The following SNX14 variants were observed in gnomAD, a reference collection of about 807,000 sequenced individuals.
SNX14 encodes the protein sorting nexin-14.
SNX14 carries 93 observed loss-of-function variants against 133.8 expected under a neutral mutation model. That is an observed-to-expected ratio of 0.70 (90% CI 0.59 to 0.83). The LOEUF is 0.83. Among genes scored for constraint, SNX14 ranks in the 40% least tolerant of loss-of-function variants. SNX14 has a pLI of 0.00. For synonymous variants in SNX14, 368 were observed against 365.6 expected (o/e 1.01, Z -0.07); for missense variants, 945 against 1,094.9 (o/e 0.86, Z 1.93).
At position 85,557,957 on chromosome 6, in the gene SNX14, T is replaced by C. The variant is rs752722499; in HGVS notation, c.634+19A>G. On this transcript the variant is annotated intron_variant, in intron 7 of 28. Coordinates refer to ENST00000314673, the MANE Select transcript of SNX14 (RefSeq NM_153816.6). The stretch of plus-strand genomic sequence containing the variant: ...TATAAAAACAAAATTACTCAAACTG[T>C]AGTAGAAAACTGTATTACCTTTCTG... The C allele has an allele frequency of 2.1e-6, 3 of 1,435,230 alleles. No homozygotes were observed. The highest frequency in any genetic ancestry group is 2.8e-5 in the African/African-American group (2 of 70,668). 88.9% of individuals were successfully genotyped at this position (1,435,230 alleles called of 1,614,324 possible).
chr6:85,540,044 C>T (rs1783173943), intron 15 of SNX14, among the ~76,000 whole-genome samples: 1 of 151,610 alleles, frequency 6.6e-6, no homozygotes, highest in Non-Finnish European at 1.5e-5. Context: ...TCACTGTAAC[C>T]TCTGCCTCCT....
intron 7 of SNX14, among the ~76,000 whole-genome samples, chr6:85,550,246 C>A (rs1355605986): frequency 6.6e-6 from 1 of 152,166 alleles, no homozygotes; most frequent in Non-Finnish European, 1.5e-5. Flanking sequence ...CCTTTCCTAG[C>A]CTCTTTTCAA....
chr6:85,568,038 T>C (rs1325666904), intron 4 of SNX14: 3 of 152,186 alleles, frequency 2.0e-5, no homozygotes, highest in Admixed American at 6.5e-5. Flanking sequence ...TGACAAAATG[T>C]ATATTTCATC....
intron 5 of SNX14, 69 bp from the exon 6 acceptor site, chr6:85,565,488 G>A (rs1408082194): frequency 1.4e-5 from 17 of 1,210,566 alleles, no homozygotes; most frequent in East Asian, 1.3e-4. Flanking sequence ...ACAATCCAAG[G>A]GAAAATTTTC....
chr6:85,515,262 CAA>C (rs751549621), intron 23 of SNX14, among the ~76,000 whole-genome samples: 14 of 22,770 alleles, frequency 6.1e-4, no homozygotes, highest in African/African-American at 1.7e-3. Context: ...GCAAGACCGT[CAA>C]AAAAAAAAAA....
At chr6:85,573,615 A>G (rs1392548788) in intron 2 of SNX14, among the ~76,000 whole-genome samples, 1 of 152,242 alleles carries the variant, frequency 6.6e-6, no homozygotes, top group African/African-American at 2.4e-5. Context: ...TGGTTATATA[A>G]ACTGCCTAAT....
rs1326858311 is a variant in SNX14, at chr6:85,565,418, C to A, written c.463G>T (p.Asp155Tyr). 2 of 1,589,218 alleles carry A rather than the reference C, an allele frequency of 1.3e-6. No homozygotes were observed. Among genetic ancestry groups the A allele is most frequent in the Admixed American group, 1.8e-5 (1 of 56,370 alleles). The change falls in exon 6 of 29, where the codon GAT (aspartate) becomes TAT (tyrosine). Residue 155 changes from aspartate to tyrosine, a missense_variant and splice_region_variant. Physicochemically the swap from Asp to Tyr is radical, Grantham distance 160. Around this residue, in one of 3 missense-constraint regions of SNX14, gnomAD observed 514 missense variants for 538.8 expected, o/e 0.95. Coordinates refer to ENST00000314673, the MANE Select transcript of SNX14 (RefSeq NM_153816.6). Reference sequence around the variant, plus strand: ...ACAAAGGATTCATCATCTGTCACATCCCTTCAATAAGGAGAAAAACAAATA... The same window carrying A: ...ACAAAGGATTCATCATCTGTCACATACCTTCAATAAGGAGAAAAACAAATA... ...LENFVYPWYR[D>Y]VTDDESFVDE...
intron 7 of SNX14, among the ~76,000 whole-genome samples, chr6:85,551,538 C>G (rs1307147275): frequency 6.6e-6 from 1 of 152,150 alleles, no homozygotes; most frequent in Non-Finnish European, 1.5e-5. Context: ...GATTTTAATC[C>G]TTCATCTGCA....
chr6:85,517,919 T>C (rs1317617236), intron 22 of SNX14, 44 bp from the exon 23 acceptor site: 11 of 1,578,720 alleles, frequency 7.0e-6, no homozygotes, highest in East Asian at 6.8e-5. Flanking sequence ...ATAAAGGTAA[T>C]TTTTAGTACA....
At chr6:85,555,963 G>A (rs895211602) in intron 7 of SNX14, among the ~76,000 whole-genome samples, 9 of 151,702 alleles carry the variant, frequency 5.9e-5, no homozygotes, top group Admixed American at 4.6e-4. Flanking sequence ...TCTCCAGACT[G>A]GGCAACTAGA....
intron 6 of SNX14, 73 bp from the exon 7 acceptor site, chr6:85,558,133 G>A (rs1248417121): frequency 8.0e-6 from 6 of 747,954 alleles, no homozygotes; most frequent in Non-Finnish European, 1.4e-5. Flanking sequence ...CTACAATTAT[G>A]ATATTGGAAT....
chr6:85,512,312 G>C (rs373924337), intron 26 of SNX14, among the ~76,000 whole-genome samples: 8 of 152,168 alleles, frequency 5.3e-5, no homozygotes, highest in Admixed American at 2.0e-4. Context: ...AGGCCCTGGA[G>C]GTAAAACTCA....
chr6:85,572,522 T>A, intron 2 of SNX14, 148 bp from the exon 3 acceptor site: 1 of 618,092 alleles, frequency 1.6e-6, no homozygotes, highest in South Asian at 2.2e-5. Context: ...TCTTTCTTTG[T>A]AATACATAAT....
chr6:85,556,284 C>G (rs2128130756), intron 7 of SNX14, among the ~76,000 whole-genome samples: 1 of 152,204 alleles, frequency 6.6e-6, no homozygotes, highest in South Asian at 2.1e-4. Flanking sequence ...GTGTACTTGG[C>G]TAGGCACAGT....
rs1773882932 is a variant in SNX14 at position 85,513,994 on chromosome 6, G to T, written c.2557+76C>A. 7 of 1,559,636 alleles carry T rather than the reference G, an allele frequency of 4.5e-6. No individual in the cohort carries two copies. In the Admixed American group the frequency reaches 7.9e-5, roughly 18 times the overall value. On this transcript the variant is annotated intron_variant, in intron 25 of 28. Coordinates refer to ENST00000314673, the MANE Select transcript of SNX14 (RefSeq NM_153816.6). ...ATACTAATAAACCAAAGCAAAACAA[G>T]ATTTCTTCCTCTTTAGATTCAATTA...
intron 23 of SNX14, among the ~76,000 whole-genome samples, chr6:85,517,138 C>T (rs377366040): frequency 8.6e-5 from 13 of 151,938 alleles, no homozygotes; most frequent in African/African-American, 2.2e-4. Context: ...TCTAGCAAGA[C>T]GACTAAATAA....
intron 12 of SNX14, 113 bp downstream of exon 12, chr6:85,546,999 T>G: frequency 1.5e-6 from 1 of 682,672 alleles, no homozygotes; most frequent in Non-Finnish European, 2.3e-6. Flanking sequence ...ATCGAGTATA[T>G]GAAATTTAGT....
At chr6:85,589,612 G>A (rs1367140371) in intron 1 of SNX14, 1 of 152,188 alleles carries the variant, frequency 6.6e-6, no homozygotes, top group Non-Finnish European at 1.5e-5. Context: ...AATTCCTCTG[G>A]TGTGATGTCT....
intron 15 of SNX14, among the ~76,000 whole-genome samples, chr6:85,541,023 T>A (rs186758051): frequency 1.3e-5 from 2 of 151,592 alleles, no homozygotes; most frequent in African/African-American, 4.8e-5. Flanking sequence ...TGAAACAGTC[T>A]GGCTCTGTCA....
Sources: gnomAD v4.1 joint callset for allele counts (sites outside exome capture counted in the v4.1 genomes callset) on GRCh38, gnomAD v4.1.1 for gene constraint, gnomAD v4.1.1 regional missense constraint, MANE v1.5 for transcripts, NCBI Gene and HGNC (gene_info 2026-07-23, HGNC 2026-07-21) for gene names.